The following SRSF5 variants were observed in gnomAD, a reference collection of about 807,000 sequenced individuals.
SRSF5 encodes serine/arginine-rich splicing factor 5.
A neutral mutation model predicts 34.0 loss-of-function variants in SRSF5; 5 were observed. The ratio of observed to expected loss-of-function variants is 0.15; its 90% CI spans 0.08 to 0.31. The LOEUF (loss-of-function observed/expected upper bound fraction) is 0.31, where lower values mean the gene tolerates loss of function less well. SRSF5 is among the 10% of genes least tolerant of loss of function. The pLI, the probability that SRSF5 is intolerant of heterozygous loss-of-function variation, is 1.00. For missense variants in SRSF5, 223 were observed against 351.4 expected (o/e 0.63, Z 2.92); for synonymous variants, 164 against 117.7 (o/e 1.39, Z -2.55).
intron 2 of SRSF5, 157 bp from the exon 3 acceptor site, chr14:69,768,447 C>A: frequency 2.4e-6 from 3 of 1,235,700 alleles, no homozygotes; most frequent in South Asian, 1.4e-5. Flanking sequence ...TGCCGGCTCA[C>A]TGGAACCCCA....
rs762956881 is a variant in SRSF5 at position 69,771,318 on chromosome 14, A to C, written c.676A>C (p.Lys226Gln). 2.5e-6 allele frequency: 4 copies of C among 1,614,028 alleles called. No homozygotes were observed. Among genetic ancestry groups the C allele is most frequent in the East Asian group, 2.2e-5 (1 of 44,894 alleles). Residue 226 changes from lysine (K) to glutamine (Q), a missense_variant, in exon 8 of 8, where the codon AAG (lysine) becomes CAG (glutamine). Around this residue, in one of 4 missense-constraint regions of SRSF5, gnomAD observed 115 missense variants for 119.7 expected, o/e 0.96. Coordinates refer to ENST00000557154, the MANE Select transcript of SRSF5 (RefSeq NM_001320214.2). ...CAGGAGCAGGAGCCGGAGCCGGAGCAAGTCCCGTTCTGTTAGTAGGTCTCC... is the reference window on the plus strand; with the variant it reads ...CAGGAGCAGGAGCCGGAGCCGGAGCCAGTCCCGTTCTGTTAGTAGGTCTCC... ...RSRSRSRSRSKSRSVSRSPVP... is the reference protein window; with the variant it reads ...RSRSRSRSRSQSRSVSRSPVP...
At chr14:69,767,281 C>T (rs1398644867) in intron 1 of SRSF5, 26 bp downstream of exon 1, 4 of 406,686 alleles carry the variant, frequency 9.8e-6, no homozygotes, top group African/African-American at 4.2e-5. Flanking sequence ...TGAGGGCAAG[C>T]CTTCTCGGAT....
chr14:69,767,771 C>T (rs1194773508), intron 1 of SRSF5: 1 of 350,888 alleles, frequency 2.8e-6, no homozygotes. Flanking sequence ...GTGACGCGCC[C>T]GCGAGGCCGC....
Position 69,768,136 on chromosome 14 carries a change from A to G in SRSF5, c.-19-2A>G. The G allele has an allele frequency of 6.2e-7, 1 of 1,614,092 alleles. No individual in the cohort carries two copies. Among genetic ancestry groups the G allele is most frequent in the Non-Finnish European group, 8.5e-7 (1 of 1,179,974 alleles). The stretch of plus-strand genomic sequence containing the variant: ...TATCTCGATTGAATTACTTTCTAAT[A>G]GGAAGTACTAGCCGGACATCATGAG... On this transcript the variant is annotated splice_acceptor_variant, in intron 1 of 7. Coordinates refer to ENST00000557154, the MANE Select transcript of SRSF5 (RefSeq NM_001320214.2). LOFTEE classifies it low-confidence loss of function (5UTR_SPLICE).
At chr14:69,768,526 T>C (rs1882814755) in intron 2 of SRSF5, 78 bp from the exon 3 acceptor site, 1 of 1,415,012 alleles carries the variant, frequency 7.1e-7, no homozygotes, top group Non-Finnish European at 1.0e-6. Context: ...CCATTCTGTC[T>C]CCTGATTTCA....
intron 5 of SRSF5, chr14:69,769,847 G>T: frequency 7.9e-7 from 1 of 1,271,424 alleles, no homozygotes; most frequent in Non-Finnish European, 9.9e-7. Flanking sequence ...AGTGGTCCTT[G>T]GTAACTGCTC....
chr14:69,770,960 G>A (rs752137993), intron 6 of SRSF5, 35 bp from the exon 7 acceptor site: 1 of 1,564,618 alleles, frequency 6.4e-7, no homozygotes, highest in African/African-American at 1.4e-5. Context: ...ACTACAGGAT[G>A]TATATACTTT....
Position 69,768,435 on chromosome 14 carries a change from C to G in SRSF5, c.126+153C>G, listed in dbSNP as rs1475287179. On this transcript the variant is annotated intron_variant, in intron 2 of 7. Coordinates refer to ENST00000557154, the MANE Select transcript of SRSF5 (RefSeq NM_001320214.2). ...TTATTGAGGCTGAAAACAACTTTAA[C>G]TTGCCGGCTCACTGGAACCCCACTC... The G allele has an allele frequency of 1.1e-5, 14 of 1,302,434 alleles. No individual in the cohort carries two copies. The Admixed American group carries it at 1.2e-4, about 11-fold the overall frequency. 80.7% of individuals were successfully genotyped at this position (1,302,434 alleles called of 1,614,324 possible).
In SRSF5 at chr14:69,769,003, CTTCTA is replaced by C. The variant is rs147003928; in HGVS notation, c.296+111_296+115del. 2,429 of 1,322,854 alleles carry C rather than the reference CTTCTA, an allele frequency of 1.8e-3. 34 individuals carry two copies. In the African/African-American group the frequency reaches 0.031, roughly 17 times the overall value. The allele number at this position is 1,322,854 out of a possible 1,614,324, so 81.9% of individuals were successfully genotyped here. ...TTTGGGTCCTGCCGTATAATCTGTT[CTTCTA>C]TTCCCACGTTAGCCAGTTGTTCTTG... On this transcript the variant is annotated intron_variant, in intron 4 of 7. Transcript: ENST00000557154.
At chr14:69,768,544 T>G in intron 2 of SRSF5, 60 bp from the exon 3 acceptor site, 1 of 1,505,208 alleles carries the variant, frequency 6.6e-7, no homozygotes, top group Non-Finnish European at 9.2e-7. Context: ...TCAGTGCTCT[T>G]AATGTGTTGT....
rs1452532624 is a variant in SRSF5 at position 69,767,288 on chromosome 14, G to C, written c.-20+33G>C. ...GCTCACTTTGAGGGCAAGCCTTCTC[G>C]GATCGAGGCTTCTTCATGGCCGCTC... is the stretch of plus-strand genomic sequence containing the variant. On this transcript the variant is annotated intron_variant, in intron 1 of 7. Coordinates refer to ENST00000557154, the MANE Select transcript of SRSF5 (RefSeq NM_001320214.2). 9.7e-6 allele frequency: 4 copies of C among 411,190 alleles called. No homozygotes were observed. In the East Asian group the frequency reaches 2.8e-4, roughly 29 times the overall value. 25.5% of individuals were successfully genotyped at this position (411,190 alleles called of 1,614,324 possible).
At position 69,770,879 on chromosome 14, in the gene SRSF5, GACTC is replaced by G. The variant is rs534432818; in HGVS notation, c.441-114_441-111del. The G allele has an allele frequency of 5.0e-4, 457 of 906,282 alleles. 1 individual carries two copies. The African/African-American group carries it at 6.8e-3, about 13-fold the overall frequency. The allele number at this position is 906,282 out of a possible 1,614,324, so 56.1% of individuals were successfully genotyped here. A position where few individuals can be genotyped will look rare whatever the true frequency, so the allele number is the denominator to read the frequency against. On this transcript the variant is annotated intron_variant, in intron 6 of 7. Transcript: ENST00000557154. Reference sequence around the variant, plus strand: ...TTAATGCTGTGTTATCCAGAAATAAGACTCAATAGTAGCAATAGCAAAAGTGAAC... The same window carrying G: ...TTAATGCTGTGTTATCCAGAAATAAGAATAGTAGCAATAGCAAAAGTGAAC...
In SRSF5 at chr14:69,767,241, G is replaced by A. The variant is rs1882555301; in HGVS notation, c.-34G>A. 2 of 376,348 alleles carry A rather than the reference G, an allele frequency of 5.3e-6. No individual in the cohort carries two copies. Among genetic ancestry groups the A allele is most frequent in the Non-Finnish European group, 1.0e-5 (2 of 195,238 alleles). The allele number at this position is 376,348 out of a possible 1,614,324, so 23.3% of individuals were successfully genotyped here. ...ACCTGTCTGGGTCTCAGCCGCCAAAGACCCCGTCCGGTAGGTGAGTGGCTC... is the reference window on the plus strand; with the variant it reads ...ACCTGTCTGGGTCTCAGCCGCCAAAAACCCCGTCCGGTAGGTGAGTGGCTC... On this transcript the variant is annotated 5_prime_UTR_variant, in exon 1 of 8. Coordinates refer to ENST00000557154, the MANE Select transcript of SRSF5 (RefSeq NM_001320214.2).
At position 69,769,186 on chromosome 14, in the gene SRSF5, G is replaced by T; in HGVS notation, c.301G>T (p.Ala101Ser). ...AATACGAATTTTCTTCCTCAGAAAT[G>T]CTCCACCTGTAAGAACAGAAAATCG... is the stretch of plus-strand genomic sequence containing the variant. ...SRRPRNDRRNAPPVRTENRLI... is the reference protein window; with the variant it reads ...SRRPRNDRRNSPPVRTENRLI... The change falls in exon 5 of 8, where the codon GCT becomes TCT. Residue 101 changes from alanine to serine, a missense_variant. Physicochemically the swap from Ala to Ser is moderately conservative, Grantham distance 99 (BLOSUM62 1). This residue lies in a region of SRSF5 where 44 missense variants were observed against 44.3 expected (regional missense o/e 0.99). Coordinates refer to ENST00000557154, the MANE Select transcript of SRSF5 (RefSeq NM_001320214.2). 1 of 1,614,156 alleles carries T rather than the reference G, an allele frequency of 6.2e-7. No homozygotes were observed. The highest frequency in any genetic ancestry group is 8.5e-7 in the Non-Finnish European group (1 of 1,180,030).
intron 5 of SRSF5, chr14:69,769,744 C>G: frequency 7.2e-7 from 1 of 1,384,450 alleles, no homozygotes; most frequent in Non-Finnish European, 9.3e-7. Flanking sequence ...AAGTTGAGAC[C>G]TGTCTTCCTG....
At chr14:69,768,985 C>A in intron 4 of SRSF5, 89 bp downstream of exon 4, 1 of 1,415,496 alleles carries the variant, frequency 7.1e-7, no homozygotes, top group Non-Finnish European at 9.9e-7. Flanking sequence ...GATTTTGGGT[C>A]CTGCCGTATA....
chr14:69,767,174 C>G lies in SRSF5; in HGVS notation c.-101C>G. 8.5e-6 allele frequency: 3 copies of G among 353,056 alleles called. No homozygotes were observed. Among genetic ancestry groups the G allele is most frequent in the South Asian group, 4.3e-5 (2 of 46,768 alleles). The allele number at this position is 353,056 out of a possible 1,614,324, so 21.9% of individuals were successfully genotyped here. Reference sequence around the variant, plus strand: ...GTGGAGTGGCGTAGACGAGTTAAGTCCTGGTCTGCGTGGAGGTCGACGACT... The same window carrying G: ...GTGGAGTGGCGTAGACGAGTTAAGTGCTGGTCTGCGTGGAGGTCGACGACT... On this transcript the variant is annotated 5_prime_UTR_variant, in exon 1 of 8. Coordinates refer to ENST00000557154, the MANE Select transcript of SRSF5 (RefSeq NM_001320214.2).
intron 6 of SRSF5, 133 bp downstream of exon 6, chr14:69,770,673 T>TC (rs370786152): frequency 7.9e-5 from 64 of 809,752 alleles, no homozygotes; most frequent in Middle Eastern, 7.0e-4. Context: ...GCTTCCCTCC[T>TC]CCCCCCCACA....
In SRSF5 at chr14:69,767,201, C is replaced by T. The variant is rs1882551592; in HGVS notation, c.-74C>T. 5.6e-6 allele frequency: 2 copies of T among 357,102 alleles called. No individual in the cohort carries two copies. The highest frequency in any genetic ancestry group is 2.1e-5 in the South Asian group (1 of 47,382). 22.1% of individuals were successfully genotyped at this position (357,102 alleles called of 1,614,324 possible). A position where few individuals can be genotyped will look rare whatever the true frequency, so the allele number is the denominator to read the frequency against. On this transcript the variant is annotated 5_prime_UTR_variant, in exon 1 of 8. Transcript: ENST00000557154. ...TGGTCTGCGTGGAGGTCGACGACTCCGTCGCAGACTACGGACCTGTCTGGG... is the reference window on the plus strand; with the variant it reads ...TGGTCTGCGTGGAGGTCGACGACTCTGTCGCAGACTACGGACCTGTCTGGG...
Sources: allele counts gnomAD v4.1 joint callset, GRCh38; gene constraint gnomAD v4.1.1; regional missense constraint gnomAD v4.1.1; transcripts MANE v1.5; gene names NCBI Gene and HGNC (gene_info 2026-07-23, HGNC 2026-07-21).